FGF12: variants seen among roughly 807,000 people sequenced by gnomAD.
FGF12 encodes the protein fibroblast growth factor 12B.
In FGF12, 14 loss-of-function variants were observed where a neutral mutation model predicts 23.6. That is an observed-to-expected ratio of 0.59 (90% CI 0.39 to 0.93). The LOEUF (loss-of-function observed/expected upper bound fraction) is 0.93. FGF12 is among the 40% of genes least tolerant of loss of function. The pLI, the probability that FGF12 is intolerant of heterozygous loss-of-function variation, is 0.00. For synonymous variants in FGF12, 62 were observed against 77.3 expected, an observed-to-expected ratio of 0.80 and a Z score of 1.04; for missense variants, 175 against 217.8, an observed-to-expected ratio of 0.80 and a Z score of 1.24.
At position 192,167,766 on chromosome 3, in the gene FGF12, TATAAAA is replaced by T. The variant is rs1272229762; in HGVS notation, c.427+2686_427+2691del. 9.3e-3 allele frequency among the ~76,000 whole-genome samples: 290 copies of T among 31,210 alleles called. 13 individuals carry two copies. The highest frequency in any genetic ancestry group is 0.018 in the African/African-American group (137 of 7,692). The allele number at this position is 31,210 out of a possible 152,430, so 20.5% of individuals were successfully genotyped here. On this transcript the variant is annotated intron_variant, in intron 5 of 5. Transcript: ENST00000445105. ...ATATATATATATATATATATATATA[TATAAAA>T]TTTTTTTTTTTTTTTTTTTTTGAGA...
At chr3:192,333,601 A>G (rs1717236486) in intron 4 of FGF12, among the ~76,000 whole-genome samples, 1 of 152,130 alleles carries the variant, frequency 6.6e-6, no homozygotes, top group South Asian at 2.1e-4. Flanking sequence ...TAGTGTAAAT[A>G]CAAAATATAG....
At chr3:192,553,974 A>T (rs949898608) in intron 2 of FGF12, among the ~76,000 whole-genome samples, 3 of 152,224 alleles carry the variant, frequency 2.0e-5, no homozygotes, top group African/African-American at 7.2e-5. Context: ...AGTAGGGAGA[A>T]AAAGAAGCCT....
intron 4 of FGF12, among the ~76,000 whole-genome samples, chr3:192,221,728 T>A (rs1214730087): frequency 2.6e-5 from 4 of 152,070 alleles, no homozygotes; most frequent in South Asian, 2.1e-4. Flanking sequence ...AAAATGTAAT[T>A]CAGGTCAACA....
At chr3:192,585,383 G>C (rs1348474230) in intron 2 of FGF12, among the ~76,000 whole-genome samples, 1 of 152,118 alleles carries the variant, frequency 6.6e-6, no homozygotes, top group South Asian at 2.1e-4. Flanking sequence ...CTGTAAGCAG[G>C]AGTGAGGGGT....
intron 2 of FGF12, among the ~76,000 whole-genome samples, chr3:192,664,871 T>G (rs2108687383): frequency 6.6e-6 from 1 of 152,308 alleles, no homozygotes; most frequent in African/African-American, 2.4e-5. Flanking sequence ...CAAATTGACG[T>G]AATGTCTACT....
At chr3:192,323,161 G>A (rs895751029) in intron 4 of FGF12, among the ~76,000 whole-genome samples, 3 of 152,078 alleles carry the variant, frequency 2.0e-5, no homozygotes, top group African/African-American at 7.2e-5. Flanking sequence ...CAGTATGGAG[G>A]TTCCTCAAGA....
chr3:192,253,940 G>A (rs1260349335), intron 4 of FGF12, among the ~76,000 whole-genome samples: 1 of 151,952 alleles, frequency 6.6e-6, no homozygotes, highest in Non-Finnish European at 1.5e-5. Flanking sequence ...TATTTATCAT[G>A]TACAAGATGA....
intron 2 of FGF12, among the ~76,000 whole-genome samples, chr3:192,541,621 G>C (rs914648026): frequency 1.5e-4 from 23 of 152,068 alleles, no homozygotes; most frequent in Admixed American, 1.5e-3. Flanking sequence ...TTACCAGTGA[G>C]TTTTGCACCT....
intron 4 of FGF12, among the ~76,000 whole-genome samples, chr3:192,313,546 T>C (rs1202390032): frequency 6.6e-6 from 1 of 152,226 alleles, no homozygotes; most frequent in Non-Finnish European, 1.5e-5. Flanking sequence ...CAATCTGCAA[T>C]GAACACTCAT....
chr3:192,374,802 G>A (rs1463319766), intron 2 of FGF12, among the ~76,000 whole-genome samples: 2 of 152,124 alleles, frequency 1.3e-5, no homozygotes, highest in Non-Finnish European at 2.9e-5. Context: ...CAGGCAGCCT[G>A]GCTCCAGAAC....
intron 4 of FGF12, among the ~76,000 whole-genome samples, chr3:192,249,549 T>C (rs1560034382): frequency 6.6e-6 from 1 of 152,130 alleles, no homozygotes; most frequent in Admixed American, 6.6e-5. Flanking sequence ...GTTTTTTTTT[T>C]CTCAACACGT....
chr3:192,449,734 C>G (rs1197245648), intron 2 of FGF12, among the ~76,000 whole-genome samples: 1 of 152,186 alleles, frequency 6.6e-6, no homozygotes, highest in African/African-American at 2.4e-5. Flanking sequence ...TTCTGTACCC[C>G]AGAAGGCAGG....
intron 2 of FGF12, among the ~76,000 whole-genome samples, chr3:192,390,834 CTAAG>C (rs964658717): frequency 2.0e-5 from 3 of 152,218 alleles, no homozygotes; most frequent in African/African-American, 7.2e-5. Context: ...CCAATATTTG[CTAAG>C]TGTCTACTAG....
chr3:192,226,057 T>C (rs142579333), intron 4 of FGF12, among the ~76,000 whole-genome samples: 123 of 152,252 alleles, frequency 8.1e-4, no homozygotes, highest in African/African-American at 2.8e-3. Flanking sequence ...CTTCTGAATA[T>C]GTTAAAACAC....
At chr3:192,328,869 T>C (rs904772340) in intron 4 of FGF12, among the ~76,000 whole-genome samples, 1 of 152,208 alleles carries the variant, frequency 6.6e-6, no homozygotes, top group African/African-American at 2.4e-5. Flanking sequence ...TGAGATGTGG[T>C]AGACTTTCAA....
chr3:192,590,950 T>C (rs2108622136), intron 2 of FGF12, among the ~76,000 whole-genome samples: 1 of 151,922 alleles, frequency 6.6e-6, no homozygotes, highest in East Asian at 1.9e-4. Flanking sequence ...AATAGTTCTC[T>C]CTCTCCCTCT....
chr3:192,249,569 G>A (rs1410413827), intron 4 of FGF12, among the ~76,000 whole-genome samples: 2 of 152,040 alleles, frequency 1.3e-5, no homozygotes, highest in Admixed American at 1.3e-4. Flanking sequence ...TAGAATCAGG[G>A]TCTTAAGAAT....
At chr3:192,465,695 C>G (rs918391661) in intron 2 of FGF12, among the ~76,000 whole-genome samples, 1 of 152,226 alleles carries the variant, frequency 6.6e-6, no homozygotes, top group South Asian at 2.1e-4. Context: ...GCCTACGTGA[C>G]TGTCGCCCTC....
chr3:192,569,126 A>G (rs1330046950), intron 2 of FGF12, among the ~76,000 whole-genome samples: 2 of 152,234 alleles, frequency 1.3e-5, no homozygotes, highest in Non-Finnish European at 2.9e-5. Flanking sequence ...TAGAAAAAAA[A>G]TATTGTCTGC....
Sources: gnomAD v4.1 joint callset for allele counts (sites outside exome capture counted in the v4.1 genomes callset) on GRCh38, gnomAD v4.1.1 for gene constraint, MANE v1.5 for transcripts, NCBI Gene and HGNC (gene_info 2026-07-23, HGNC 2026-07-21) for gene names.